JAM3: variants seen among roughly 807,000 people sequenced by gnomAD.
JAM3 encodes junctional adhesion molecule 3.
Under a neutral mutation model 39.4 loss-of-function variants are expected in JAM3, and 31 were observed. The ratio of observed to expected loss-of-function variants is 0.79; its 90% CI spans 0.59 to 1.06. The LOEUF (loss-of-function observed/expected upper bound fraction) is 1.06. Among genes scored for constraint, JAM3 ranks in the 50% least tolerant of loss-of-function variants. The pLI, the probability that JAM3 is intolerant of heterozygous loss-of-function variation, is 0.00. For missense variants in JAM3, 455 were observed against 391.4 expected (o/e 1.16, Z -1.37); for synonymous variants, 182 against 148.7 (o/e 1.22, Z -1.63).
At chr11:134,124,314 G>T in intron 1 of JAM3, 1 of 807,228 alleles carries the variant, frequency 1.2e-6, no homozygotes, top group South Asian at 1.4e-5. Flanking sequence ...CTCCACAGGG[G>T]CTGGACGGTT....
At chr11:134,134,033 C>T (rs1463090386) in intron 1 of JAM3, among the ~76,000 whole-genome samples, 1 of 151,886 alleles carries the variant, frequency 6.6e-6, no homozygotes, top group Non-Finnish European at 1.5e-5. Context: ...CATGCAAGAA[C>T]AGATGGACAG....
intron 5 of JAM3, 40 bp downstream of exon 5, chr11:134,145,034 G>T: frequency 6.8e-7 from 1 of 1,478,760 alleles, no homozygotes; most frequent in Admixed American, 1.7e-5. Context: ...AGATGTCTTT[G>T]TTGGGGCAAG....
chr11:134,098,841 A>T (rs1296248173), intron 1 of JAM3, among the ~76,000 whole-genome samples: 1 of 152,144 alleles, frequency 6.6e-6, no homozygotes, highest in Non-Finnish European at 1.5e-5. Flanking sequence ...ACTAACATTC[A>T]CACTGATACT....
At chr11:134,124,026 C>G (rs1942589656) in intron 1 of JAM3, 2 of 1,447,934 alleles carry the variant, frequency 1.4e-6, no homozygotes, top group Admixed American at 1.7e-5. Flanking sequence ...TCCCGCAACA[C>G]AAGGCACTGC....
intron 1 of JAM3, among the ~76,000 whole-genome samples, chr11:134,091,470 A>G (rs111908915): frequency 6.6e-6 from 1 of 151,918 alleles, no homozygotes; most frequent in Non-Finnish European, 1.5e-5. Context: ...CTGCACTCCA[A>G]CCTGGGTGAC....
intron 1 of JAM3, among the ~76,000 whole-genome samples, chr11:134,102,711 A>G (rs924414290): frequency 3.9e-5 from 6 of 152,250 alleles, no homozygotes; most frequent in Non-Finnish European, 5.9e-5. Context: ...GAACTACGTG[A>G]CGAATGCACA....
chr11:134,118,087 G>A (rs372702303), intron 1 of JAM3, among the ~76,000 whole-genome samples: 1 of 152,190 alleles, frequency 6.6e-6, no homozygotes, highest in African/African-American at 2.4e-5. Flanking sequence ...TCATGCCAAG[G>A]TCTTATGCTC....
intron 3 of JAM3, among the ~76,000 whole-genome samples, 169 bp downstream of exon 3, chr11:134,140,939 G>A (rs918084385): frequency 6.6e-6 from 1 of 151,314 alleles, no homozygotes; most frequent in Non-Finnish European, 1.5e-5. Context: ...ATATGCAAAA[G>A]TAATGCAAAT....
intron 1 of JAM3, among the ~76,000 whole-genome samples, chr11:134,115,062 T>G (rs1275567835): frequency 6.6e-6 from 1 of 152,230 alleles, no homozygotes; most frequent in Non-Finnish European, 1.5e-5. Flanking sequence ...TTTATGTTCT[T>G]TTGATGAATT....
intron 1 of JAM3, among the ~76,000 whole-genome samples, chr11:134,139,458 G>A (rs1287667914): frequency 1.3e-5 from 2 of 152,074 alleles, no homozygotes; most frequent in Non-Finnish European, 2.9e-5. Context: ...TGCCACTGAG[G>A]GTGCCTGTGC....
At chr11:134,120,427 G>T (rs1304853435) in intron 1 of JAM3, among the ~76,000 whole-genome samples, 1 of 152,222 alleles carries the variant, frequency 6.6e-6, no homozygotes, top group Non-Finnish European at 1.5e-5. Flanking sequence ...ATTCAGAGTG[G>T]AAACATTTTC....
intron 1 of JAM3, among the ~76,000 whole-genome samples, chr11:134,135,114 T>G (rs1019822734): frequency 3.9e-5 from 6 of 152,206 alleles, no homozygotes; most frequent in African/African-American, 1.4e-4. Flanking sequence ...CTTCCAAAAT[T>G]TTATAGTTTT....
chr11:134,074,309 A>T (rs936609596), intron 1 of JAM3, among the ~76,000 whole-genome samples: 1 of 152,266 alleles, frequency 6.6e-6, no homozygotes, highest in East Asian at 1.9e-4. Flanking sequence ...TTTGATGAGG[A>T]TATTTTTTGT....
intron 1 of JAM3, among the ~76,000 whole-genome samples, chr11:134,117,069 AAAC>A (rs562730967): frequency 6.4e-4 from 97 of 152,028 alleles, no homozygotes; most frequent in East Asian, 3.5e-3. Context: ...CTTAAAAAAA[AAAC>A]AATCCACGGC....
chr11:134,127,995 C>A (rs1942684466), intron 1 of JAM3, among the ~76,000 whole-genome samples: 1 of 152,046 alleles, frequency 6.6e-6, no homozygotes, highest in African/African-American at 2.4e-5. Flanking sequence ...CACATATTGA[C>A]CCCCACTATG....
chr11:134,092,494 CCTG>C (rs1385253193), intron 1 of JAM3, among the ~76,000 whole-genome samples: 1 of 142,048 alleles, frequency 7.0e-6, no homozygotes, highest in Non-Finnish European at 1.5e-5. Context: ...AACGTCACTT[CCTG>C]AGGGAAGCTT....
chr11:134,127,246 T>C (rs1210717048), intron 1 of JAM3, among the ~76,000 whole-genome samples: 1 of 152,184 alleles, frequency 6.6e-6, no homozygotes, highest in African/African-American at 2.4e-5. Context: ...CGGTTGTAAA[T>C]TGGAAATGAT....
chr11:134,108,722 G>A (rs1318231397), intron 1 of JAM3, among the ~76,000 whole-genome samples: 2 of 152,028 alleles, frequency 1.3e-5, no homozygotes, highest in Non-Finnish European at 2.9e-5. Context: ...TGCAGAAAAA[G>A]CACTTGACAA....
chr11:134,125,585 G>A (rs961003918), intron 1 of JAM3, among the ~76,000 whole-genome samples: 1 of 152,120 alleles, frequency 6.6e-6, no homozygotes, highest in Non-Finnish European at 1.5e-5. Flanking sequence ...CATTGACCTC[G>A]CTAGCATCCG....
Sources: gnomAD v4.1 joint callset for allele counts (sites outside exome capture counted in the v4.1 genomes callset) on GRCh38, gnomAD v4.1.1 for gene constraint, MANE v1.5 for transcripts, NCBI Gene and HGNC (gene_info 2026-07-23, HGNC 2026-07-21) for gene names.